The following YEATS4 variants were observed in gnomAD, a reference collection of about 807,000 sequenced individuals.
YEATS4 encodes YEATS domain containing 4.
Under a neutral mutation model 30.1 loss-of-function variants are expected in YEATS4, and 17 were observed. The ratio of observed to expected loss-of-function variants is 0.56; its 90% CI spans 0.39 to 0.85. YEATS4 has a LOEUF of 0.85. Ranked by LOEUF, YEATS4 falls within the 40% of genes least tolerant of loss-of-function variation. The pLI is 0.00. For synonymous variants in YEATS4, 85 were observed against 87.5 expected (o/e 0.97, Z 0.16); for missense variants, 142 against 268.3 (o/e 0.53, Z 3.29).
chr12:69,373,015 A>G (rs1390851372), intron 6 of YEATS4, among the ~76,000 whole-genome samples: 5 of 151,958 alleles, frequency 3.3e-5, no homozygotes, highest in African/African-American at 1.2e-4. Flanking sequence ...TATGTACCAT[A>G]TTTTCTTTAT....
chr12:69,425,774 G>A, the YEATS4 span, among the ~76,000 whole-genome samples: 1 of 152,126 alleles, frequency 6.6e-6, no homozygotes, highest in African/African-American at 2.4e-5. Flanking sequence ...TCACTCCTTG[G>A]TGGACCACTC....
the YEATS4 span, among the ~76,000 whole-genome samples, chr12:69,413,585 C>G: frequency 1.4e-5 from 2 of 140,162 alleles, no homozygotes; most frequent in Non-Finnish European, 3.0e-5. Flanking sequence ...GGCACAGTGA[C>G]TCACACCTGT....
chr12:69,364,298 AG>A (rs1565674730), intron 2 of YEATS4: 1 of 306,772 alleles, frequency 3.3e-6, no homozygotes, highest in African/African-American at 2.3e-5. Flanking sequence ...CAGAAAAAAA[AG>A]GTATCATTAT....
chr12:69,373,368 A>G (rs1875717255), intron 6 of YEATS4, among the ~76,000 whole-genome samples: 1 of 152,086 alleles, frequency 6.6e-6, no homozygotes, highest in African/African-American at 2.4e-5. Flanking sequence ...TGTAGTTTTA[A>G]TTTGCATTTT....
the YEATS4 span, among the ~76,000 whole-genome samples, chr12:69,410,650 A>G: frequency 6.6e-6 from 1 of 152,238 alleles, no homozygotes; most frequent in Non-Finnish European, 1.5e-5. Context: ...ATAAGCAAGC[A>G]TGCTGTTTTG....
chr12:69,405,498 G>A, the YEATS4 span, among the ~76,000 whole-genome samples: 1 of 152,066 alleles, frequency 6.6e-6, no homozygotes, highest in African/African-American at 2.4e-5. Context: ...CTTAAAAGAA[G>A]CACTTACGGC....
intron 4 of YEATS4, among the ~76,000 whole-genome samples, chr12:69,367,000 A>G (rs546916770): frequency 5.9e-5 from 9 of 152,304 alleles, no homozygotes; most frequent in East Asian, 1.9e-4. Flanking sequence ...TTGATGCACA[A>G]TGAGAATTGG....
At chr12:69,362,017 T>TTGTTTTTTTTTTG (rs374178277) in intron 1 of YEATS4, among the ~76,000 whole-genome samples, 83 of 131,584 alleles carry the variant, frequency 6.3e-4, no homozygotes, top group African/African-American at 2.1e-3. Flanking sequence ...TTGGTTGTTT[T>TTGTTTTTTTTTTG]TTTTTTTTTT....
Position 69,390,223 on chromosome 12 carries a change from TAAG to T in YEATS4, c.592_594del (p.Lys198del), listed in dbSNP as rs760704910. On this transcript the variant is annotated inframe_deletion, in exon 7 of 7. Coordinates refer to ENST00000247843, the MANE Select transcript of YEATS4 (RefSeq NM_006530.4). ...AAACAAGCTTTGAGATTGCAGAGCT[TAAG>T]GAGAGATTAAAAGCAAGTCGTGAAA... The T allele has an allele frequency of 2.5e-6, 4 of 1,604,100 alleles. No homozygotes were observed. In the South Asian group the frequency reaches 4.5e-5, roughly 18 times the overall value.
chr12:69,411,550 A>G, the YEATS4 span, among the ~76,000 whole-genome samples: 2 of 152,242 alleles, frequency 1.3e-5, no homozygotes, highest in Non-Finnish European at 2.9e-5. Flanking sequence ...TAATAAATTA[A>G]TTAATTACAG....
At chr12:69,417,143 A>G in the YEATS4 span, among the ~76,000 whole-genome samples, 2 of 141,868 alleles carry the variant, frequency 1.4e-5, no homozygotes, top group Non-Finnish European at 3.0e-5. Context: ...TGGCTTAAAC[A>G]TTTTTTAAAA....
intron 6 of YEATS4, among the ~76,000 whole-genome samples, chr12:69,376,923 A>G (rs1316688905): frequency 6.6e-6 from 1 of 152,062 alleles, no homozygotes; most frequent in Non-Finnish European, 1.5e-5. Context: ...TCATGATTCA[A>G]TCTTGGTAGG....
the YEATS4 span, among the ~76,000 whole-genome samples, chr12:69,420,663 G>A: frequency 1.3e-5 from 2 of 152,290 alleles, no homozygotes; most frequent in Non-Finnish European, 2.9e-5. Context: ...AACCTTAGGA[G>A]AAGCCTTCAT....
the YEATS4 span, among the ~76,000 whole-genome samples, chr12:69,417,153 A>T: frequency 2.7e-3 from 363 of 136,434 alleles, 10 homozygotes; most frequent in African/African-American, 9.1e-3. Flanking sequence ...ATTTTTTAAA[A>T]ATTTTTTTTT....
At chr12:69,368,933 G>A (rs315134) in intron 4 of YEATS4, among the ~76,000 whole-genome samples, 70,012 of 151,956 alleles carry the variant, frequency 0.46, 16,171 homozygotes, top group Non-Finnish European at 0.5. Context: ...ATCCACAGGT[G>A]CTGAGAATTA....
At chr12:69,383,574 A>G (rs1343599050) in intron 6 of YEATS4, among the ~76,000 whole-genome samples, 1 of 152,210 alleles carries the variant, frequency 6.6e-6, no homozygotes, top group Non-Finnish European at 1.5e-5. Context: ...AACTAGGTGC[A>G]TGTAATGTCC....
At chr12:69,363,886 A>G (rs1875329275) in intron 2 of YEATS4, among the ~76,000 whole-genome samples, 2 of 152,256 alleles carry the variant, frequency 1.3e-5, no homozygotes, top group Non-Finnish European at 2.9e-5. Flanking sequence ...AAAGTAAAGT[A>G]CTGATAAAGT....
chr12:69,377,130 C>G (rs535287996), intron 6 of YEATS4, among the ~76,000 whole-genome samples: 6 of 152,110 alleles, frequency 3.9e-5, no homozygotes, highest in Middle Eastern at 3.4e-3. Flanking sequence ...TTCAGAAAAC[C>G]AACTTCTTGT....
chr12:69,381,128 A>G (rs1020618842), intron 6 of YEATS4, among the ~76,000 whole-genome samples: 1 of 152,308 alleles, frequency 6.6e-6, no homozygotes, highest in South Asian at 2.1e-4. Context: ...TCCTAGTCCT[A>G]ATAAGCCTGG....
Sources: allele counts gnomAD v4.1 joint callset (sites outside exome capture counted in the v4.1 genomes callset), GRCh38; gene constraint gnomAD v4.1.1; transcripts MANE v1.5; gene names NCBI Gene and HGNC (gene_info 2026-07-23, HGNC 2026-07-21).